TRPM3: variants seen among roughly 807,000 people sequenced by gnomAD.
The protein encoded by TRPM3 is long transient receptor potential channel 3.
A neutral mutation model predicts 181.2 loss-of-function variants in TRPM3; 77 were observed. The ratio of observed to expected loss-of-function variants is 0.42; its 90% confidence interval spans 0.35 to 0.51. The LOEUF (loss-of-function observed/expected upper bound fraction) is 0.51. TRPM3 is among the 20% of genes least tolerant of loss of function. TRPM3 has a pLI of 0.01. For synonymous variants in TRPM3, 745 were observed against 796.4 expected (o/e 0.94, Z 1.09); for missense variants, 1,759 against 2,196.7 (o/e 0.80, Z 3.98).
At chr9:70,961,814 T>C (rs1221310932) in intron 1 of TRPM3, among the ~76,000 whole-genome samples, 1 of 152,140 alleles carries the variant, frequency 6.6e-6, no homozygotes, top group Non-Finnish European at 1.5e-5. Context: ...GTTTGGTTTT[T>C]GTAAACTGAG....
intron 6 of TRPM3, among the ~76,000 whole-genome samples, chr9:70,794,819 C>T (rs974160162): frequency 6.6e-6 from 1 of 152,176 alleles, no homozygotes; most frequent in Non-Finnish European, 1.5e-5. Context: ...AAGCTGGAGC[C>T]ATTCACATCC....
At chr9:70,816,428 C>G (rs2092694029) in intron 6 of TRPM3, among the ~76,000 whole-genome samples, 1 of 152,256 alleles carries the variant, frequency 6.6e-6, no homozygotes, top group African/African-American at 2.4e-5. Context: ...AATGTTTCAA[C>G]AGAGTCAGAG....
At chr9:70,865,046 T>TGG (rs71507015) in intron 1 of TRPM3, among the ~76,000 whole-genome samples, 225 of 95,406 alleles carry the variant, frequency 2.4e-3, no homozygotes, top group African/African-American at 5.9e-3. Flanking sequence ...ACAGGGGGGT[T>TGG]GGGGGGGGGG....
intron 6 of TRPM3, among the ~76,000 whole-genome samples, chr9:70,785,021 C>T (rs1447365462): frequency 2.0e-5 from 3 of 152,140 alleles, no homozygotes; most frequent in East Asian, 1.9e-4. Context: ...CCACCATGCT[C>T]AGCTAATTTT....
intron 9 of TRPM3, among the ~76,000 whole-genome samples, chr9:70,642,230 G>A (rs2058166880): frequency 2.0e-5 from 3 of 152,138 alleles, no homozygotes. Flanking sequence ...ATTGTCTCCT[G>A]TCTCATTGAA....
intron 9 of TRPM3, among the ~76,000 whole-genome samples, chr9:70,647,678 G>A (rs1023261755): frequency 2.0e-5 from 3 of 152,076 alleles, no homozygotes; most frequent in African/African-American, 4.8e-5. Flanking sequence ...CATAGTACTA[G>A]AAGCCCTTGA....
At chr9:70,699,579 G>A (rs1406648781) in intron 8 of TRPM3, among the ~76,000 whole-genome samples, 1 of 152,122 alleles carries the variant, frequency 6.6e-6, no homozygotes. Context: ...TACATTACCT[G>A]GTTTAATCCT....
At chr9:71,120,293 A>G (rs1304302952) in intron 1 of TRPM3, among the ~76,000 whole-genome samples, 2 of 152,180 alleles carry the variant, frequency 1.3e-5, no homozygotes, top group African/African-American at 2.4e-5. Flanking sequence ...AGAGATATTT[A>G]TTTTTCCCTA....
chr9:70,929,275 C>A (rs1470290653), intron 1 of TRPM3, among the ~76,000 whole-genome samples: 1 of 151,782 alleles, frequency 6.6e-6, no homozygotes, highest in Non-Finnish European at 1.5e-5. Context: ...AATCTCAGCT[C>A]ACTGCAACTT....
intron 1 of TRPM3, among the ~76,000 whole-genome samples, chr9:70,901,635 T>C (rs1016603971): frequency 2.0e-5 from 3 of 152,208 alleles, no homozygotes; most frequent in East Asian, 1.9e-4. Context: ...AATTTAAGCA[T>C]TCAAAAATCA....
chr9:71,431,734 C>T (rs1196229448), intron 1 of TRPM3, among the ~76,000 whole-genome samples: 1 of 152,166 alleles, frequency 6.6e-6, no homozygotes, highest in African/African-American at 2.4e-5. Flanking sequence ...TCTTCCATAA[C>T]TTGTGCATCA....
At chr9:71,218,191 A>G (rs2080014205) in intron 1 of TRPM3, among the ~76,000 whole-genome samples, 1 of 152,194 alleles carries the variant, frequency 6.6e-6, no homozygotes, top group Admixed American at 6.5e-5. Flanking sequence ...TGTATCCTGC[A>G]CATAGAATTT....
chr9:71,151,159 G>A (rs1304029874), intron 1 of TRPM3, among the ~76,000 whole-genome samples: 1 of 152,110 alleles, frequency 6.6e-6, no homozygotes, highest in Non-Finnish European at 1.5e-5. Flanking sequence ...AAGTTGAATA[G>A]GTAAAAATCT....
intron 1 of TRPM3, among the ~76,000 whole-genome samples, chr9:71,394,432 G>T (rs1179649350): frequency 1.3e-5 from 2 of 152,126 alleles, no homozygotes; most frequent in Non-Finnish European, 2.9e-5. Flanking sequence ...GATAAAACAT[G>T]TATTTGTTTA....
chr9:71,428,342 C>T (rs1454654741), intron 1 of TRPM3, among the ~76,000 whole-genome samples: 1 of 151,372 alleles, frequency 6.6e-6, no homozygotes, highest in African/African-American at 2.4e-5. Context: ...ATGATCTGCC[C>T]TCCTCAGCCT....
At chr9:70,684,879 G>A (rs2066372627) in intron 8 of TRPM3, among the ~76,000 whole-genome samples, 1 of 152,156 alleles carries the variant, frequency 6.6e-6, no homozygotes, top group South Asian at 2.1e-4. Context: ...TTAGAGTTAC[G>A]CTAACCTTCT....
rs907079691 is a variant in TRPM3 at position 70,533,974 on chromosome 9, A to G, written c.*1979T>C. The G allele has an allele frequency of 2.6e-5, 4 of 152,218 alleles. No homozygotes were observed. Among genetic ancestry groups the G allele is most frequent in the Admixed American group, 2.6e-4 (4 of 15,286 alleles). The allele number at this position is 152,218 out of a possible 1,614,324, so 9.4% of individuals were successfully genotyped here. A position where few individuals can be genotyped will look rare whatever the true frequency, so the allele number is the denominator to read the frequency against. On this transcript the variant is annotated 3_prime_UTR_variant, in exon 26 of 26. Coordinates refer to ENST00000677713, the MANE Select transcript of TRPM3 (RefSeq NM_001366145.2). ...AAATAAAGTAAAACTTGGTGTTTTC[A>G]ATTATAATTAAACAAAAGAACCAGG...
At chr9:70,904,728 G>A (rs1167132692) in intron 1 of TRPM3, among the ~76,000 whole-genome samples, 1 of 152,194 alleles carries the variant, frequency 6.6e-6, no homozygotes, top group Non-Finnish European at 1.5e-5. Flanking sequence ...ATTTTTCAGA[G>A]GTGTTGAAGT....
chr9:71,199,377 G>A (rs1056143329), intron 1 of TRPM3, among the ~76,000 whole-genome samples: 1 of 152,152 alleles, frequency 6.6e-6, no homozygotes, highest in African/African-American at 2.4e-5. Context: ...TCAGAATGAT[G>A]CTAGCCTCAT....
Sources: allele counts gnomAD v4.1 joint callset (sites outside exome capture counted in the v4.1 genomes callset), GRCh38; gene constraint gnomAD v4.1.1; transcripts MANE v1.5; gene names NCBI Gene and HGNC (gene_info 2026-07-23, HGNC 2026-07-21).